Variants in HMBOX1 observed in about 807,000 individuals in gnomAD.
The protein encoded by HMBOX1 is homeobox containing 1.
A neutral mutation model predicts 54.5 loss-of-function variants in HMBOX1; 14 were observed. That is an observed-to-expected ratio of 0.26 (90% CI 0.17 to 0.40). The LOEUF (loss-of-function observed/expected upper bound fraction) is 0.40, where lower values mean the gene tolerates loss of function less well. Ranked by LOEUF, HMBOX1 falls within the 10% of genes least tolerant of loss-of-function variation. The pLI is 1.00. For synonymous variants in HMBOX1, 160 were observed against 181.0 expected (o/e 0.88, Z 0.93); for missense variants, 332 against 514.4 (o/e 0.65, Z 3.43).
At chr8:28,950,277 G>GT (rs1202793660) in intron 1 of HMBOX1, among the ~76,000 whole-genome samples, 3 of 152,162 alleles carry the variant, frequency 2.0e-5, no homozygotes, top group African/African-American at 7.2e-5. Flanking sequence ...TTTAGATTCA[G>GT]TAAGTCCAGA....
chr8:29,042,383 T>G (rs940380070), intron 6 of HMBOX1, among the ~76,000 whole-genome samples: 3 of 152,148 alleles, frequency 2.0e-5, no homozygotes, highest in African/African-American at 7.2e-5. Flanking sequence ...GCCAAGCAAT[T>G]AACTCATATT....
At chr8:28,900,275 T>TATATATATATATAC (rs1813000001) in intron 1 of HMBOX1, among the ~76,000 whole-genome samples, 1 of 134,626 alleles carries the variant, frequency 7.4e-6, no homozygotes, top group Non-Finnish European at 1.6e-5. Flanking sequence ...AAAAAAAATA[T>TATATATATATATAC]ATATATATAT....
intron 1 of HMBOX1, among the ~76,000 whole-genome samples, chr8:28,925,011 A>AT (rs879340697): frequency 0.014 from 1,830 of 131,112 alleles, 30 homozygotes; most frequent in African/African-American, 0.036. Flanking sequence ...CCTATTAGTG[A>AT]TTTTTTTTTT....
At chr8:28,954,748 C>T (rs1239506654) in intron 1 of HMBOX1, among the ~76,000 whole-genome samples, 2 of 152,036 alleles carry the variant, frequency 1.3e-5, no homozygotes, top group Non-Finnish European at 2.9e-5. Flanking sequence ...TGTACTTACA[C>T]GTGTACAAAG....
chr8:29,026,112 A>G (rs1449911792), intron 6 of HMBOX1, among the ~76,000 whole-genome samples: 3 of 151,598 alleles, frequency 2.0e-5, no homozygotes, highest in Admixed American at 6.6e-5. Context: ...TACCCAGAGC[A>G]CTTCAATGAT....
At chr8:29,008,033 G>C (rs573094750) in intron 4 of HMBOX1, among the ~76,000 whole-genome samples, 1 of 152,156 alleles carries the variant, frequency 6.6e-6, no homozygotes, top group African/African-American at 2.4e-5. Flanking sequence ...CTTCCTATTG[G>C]GCATTATACC....
intron 5 of HMBOX1, among the ~76,000 whole-genome samples, chr8:29,016,591 T>G (rs1835045079): frequency 6.6e-6 from 1 of 152,252 alleles, no homozygotes; most frequent in South Asian, 2.1e-4. Context: ...ATGGCTTAGC[T>G]GGTTGTTTCT....
chr8:28,907,849 C>CTT (rs1169064905), intron 1 of HMBOX1, among the ~76,000 whole-genome samples: 2 of 144,314 alleles, frequency 1.4e-5, no homozygotes, highest in Non-Finnish European at 1.5e-5. Flanking sequence ...TTCTTTCTTT[C>CTT]TTTTTTTTTT....
At chr8:28,992,124 C>T (rs985512729) in intron 4 of HMBOX1, among the ~76,000 whole-genome samples, 2 of 152,136 alleles carry the variant, frequency 1.3e-5, no homozygotes, top group South Asian at 2.1e-4. Context: ...GTCAAGGGCA[C>T]GACTTTGAGG....
chr8:29,029,666 A>G (rs555550446), intron 6 of HMBOX1, among the ~76,000 whole-genome samples: 1 of 152,376 alleles, frequency 6.6e-6, no homozygotes, highest in African/African-American at 2.4e-5. Flanking sequence ...GGTTACATTC[A>G]CAGAATAAAT....
intron 1 of HMBOX1, among the ~76,000 whole-genome samples, chr8:28,952,259 G>A (rs1386473564): frequency 2.0e-5 from 3 of 151,782 alleles, no homozygotes; most frequent in African/African-American, 4.8e-5. Context: ...TTTTTGAGGC[G>A]GAGTCTCACT....
chr8:28,970,321 C>A lies in HMBOX1; in HGVS notation c.302C>A (p.Pro101His). ...QTQHSGMSPS[P>H]SNSYDTSPQP... The stretch of plus-strand genomic sequence containing the variant: ...CAGCATTCGGGAATGTCCCCGTCAC[C>A]TAGCAACAGTTATGATACTTCCCCA... The change falls in exon 3 of 10, where the codon CCT (proline) becomes CAT (histidine). Residue 101 changes from proline to histidine, a missense_variant. Coordinates refer to ENST00000287701, the MANE Select transcript of HMBOX1 (RefSeq NM_001135726.3). The surrounding 1 kb of genome is among the most constrained non-coding windows in gnomAD (Gnocchi z 4.3). 1 of 1,614,180 alleles carries A rather than the reference C, an allele frequency of 6.2e-7. No individual in the cohort carries two copies. Among genetic ancestry groups the A allele is most frequent in the Non-Finnish European group, 8.5e-7 (1 of 1,180,032 alleles).
At chr8:29,037,498 A>G (rs1027645683) in intron 6 of HMBOX1, among the ~76,000 whole-genome samples, 1 of 152,162 alleles carries the variant, frequency 6.6e-6, no homozygotes, top group Non-Finnish European at 1.5e-5. Context: ...AAATTAAAAT[A>G]CCTCTTAATA....
chr8:29,039,007 C>G (rs1804395076), intron 6 of HMBOX1, among the ~76,000 whole-genome samples: 1 of 152,164 alleles, frequency 6.6e-6, no homozygotes, highest in African/African-American at 2.4e-5. Context: ...TTTCCTCTGC[C>G]TGACAGCATT....
chr8:28,913,033 T>C (rs1208617942), intron 1 of HMBOX1, among the ~76,000 whole-genome samples: 1 of 152,226 alleles, frequency 6.6e-6, no homozygotes, highest in Non-Finnish European at 1.5e-5. Context: ...TTCTATATTC[T>C]GTTTCCAAAT....
At chr8:28,931,767 C>G (rs946606115) in intron 1 of HMBOX1, among the ~76,000 whole-genome samples, 1 of 152,166 alleles carries the variant, frequency 6.6e-6, no homozygotes, top group Admixed American at 6.5e-5. Context: ...TCTGGAACTC[C>G]TGGACTCAAG....
chr8:29,040,219 T>C (rs1804615899), intron 6 of HMBOX1, among the ~76,000 whole-genome samples: 1 of 152,208 alleles, frequency 6.6e-6, no homozygotes, highest in Non-Finnish European at 1.5e-5. Flanking sequence ...TTATTTAGCT[T>C]TTTTATATCT....
intron 1 of HMBOX1, among the ~76,000 whole-genome samples, chr8:28,933,128 T>C (rs528955359): frequency 1.3e-5 from 2 of 152,346 alleles, no homozygotes; most frequent in Admixed American, 1.3e-4. Context: ...GGAGCAGTTA[T>C]GATAATCTAT....
rs1410015915 is a variant in HMBOX1 at position 28,985,670 on chromosome 8, A to G, written c.586+5514A>G. On this transcript the variant is annotated intron_variant, in intron 4 of 9. Coordinates refer to ENST00000287701, the MANE Select transcript of HMBOX1 (RefSeq NM_001135726.3). Reference sequence around the variant, plus strand: ...CCTTTTTAACTTATCTTTAAAATGTAGGATAAAACCACTGCATATTCTATT... The same window carrying G: ...CCTTTTTAACTTATCTTTAAAATGTGGGATAAAACCACTGCATATTCTATT... 3.3e-5 allele frequency among the ~76,000 whole-genome samples: 5 copies of G among 152,220 alleles called. No individual in the cohort carries two copies. The East Asian group carries it at 7.7e-4, about 23-fold the overall frequency.
Sources: allele counts gnomAD v4.1 joint callset (sites outside exome capture counted in the v4.1 genomes callset), GRCh38; gene constraint gnomAD v4.1.1; non-coding constraint Gnocchi (gnomAD v3.1); transcripts MANE v1.5; gene names NCBI Gene and HGNC (gene_info 2026-07-23, HGNC 2026-07-21).